Variants in KAZN observed in about 807,000 individuals in gnomAD.
KAZN encodes the protein kazrin.
In KAZN, 40 loss-of-function variants were observed where a neutral mutation model predicts 87.4. The observed-to-expected ratio is 0.46, with a 90% CI of 0.36 to 0.60. KAZN has a LOEUF of 0.60. Among genes scored for constraint, KAZN ranks in the 20% least tolerant of loss-of-function variants. The pLI is 0.00. For missense variants in KAZN, 898 were observed against 1,073.9 expected, an observed-to-expected ratio of 0.84 and a Z score of 2.29; for synonymous variants, 466 against 458.3, an observed-to-expected ratio of 1.02 and a Z score of -0.22.
chr1:14,313,565 G>T (rs2100818429), intron 2 of KAZN, among the ~76,000 whole-genome samples: 1 of 152,196 alleles, frequency 6.6e-6, no homozygotes. Flanking sequence ...GTCCTTTGCT[G>T]CCCTAAATTC....
At position 14,141,869 on chromosome 1, in the gene KAZN, G is replaced by A. The variant is rs530663561; in HGVS notation, c.92-38566G>A. ...TTATTACTGCATGTTCCAATGTCTC[G>A]GCCATTACTGAAATTATGGGAAATG... is the stretch of plus-strand genomic sequence containing the variant. On this transcript the variant is annotated intron_variant, in intron 1 of 16. Transcript: ENST00000636203. Among the ~76,000 whole-genome samples the A allele has an allele frequency of 9.6e-4, 146 of 152,178 alleles. 1 individual carries two copies. Among genetic ancestry groups the A allele is most frequent in the African/African-American group, 3.3e-3 (138 of 41,518 alleles).
chr1:14,490,093 A>G (rs1669568177), intron 2 of KAZN, among the ~76,000 whole-genome samples: 1 of 152,186 alleles, frequency 6.6e-6, no homozygotes. Flanking sequence ...AGCATTCAGC[A>G]TCTTTTTGTG....
At chr1:14,980,229 T>C (rs1031429499) in intron 2 of KAZN, among the ~76,000 whole-genome samples, 1 of 152,160 alleles carries the variant, frequency 6.6e-6, no homozygotes, top group Admixed American at 6.5e-5. Context: ...TTACTGTAAA[T>C]ATTTTACTAA....
chr1:14,491,556 T>C (rs775087635), intron 2 of KAZN, among the ~76,000 whole-genome samples: 3 of 152,236 alleles, frequency 2.0e-5, no homozygotes, highest in Non-Finnish European at 4.4e-5. Context: ...CTGATTTTAA[T>C]GAGAATACCT....
chr1:14,951,977 A>G (rs10803327), intron 1 of KAZN, among the ~76,000 whole-genome samples: 2 of 152,002 alleles, frequency 1.3e-5, no homozygotes, highest in South Asian at 4.1e-4. Context: ...CGCAGAGCCC[A>G]GCAGACCTGG....
intron 1 of KAZN, among the ~76,000 whole-genome samples, chr1:13,981,109 ATG>A (rs1553181081): frequency 3.0e-5 from 4 of 135,160 alleles, no homozygotes; most frequent in African/African-American, 1.1e-4. Flanking sequence ...ATATATATAT[ATG>A]TATATATAAA....
chr1:14,519,012 C>T (rs1364599216), intron 2 of KAZN, among the ~76,000 whole-genome samples: 2 of 152,158 alleles, frequency 1.3e-5, no homozygotes, highest in East Asian at 3.9e-4. Flanking sequence ...AGTATTTTGC[C>T]TTCTTTGGGC....
At chr1:14,428,904 G>A (rs1221076956) in intron 2 of KAZN, among the ~76,000 whole-genome samples, 5 of 151,412 alleles carry the variant, frequency 3.3e-5, no homozygotes, top group Admixed American at 1.3e-4. Context: ...AAACCATATC[G>A]TTTATATATA....
intron 1 of KAZN, among the ~76,000 whole-genome samples, chr1:14,895,025 G>C (rs892519644): frequency 4.6e-5 from 7 of 152,262 alleles, no homozygotes; most frequent in African/African-American, 1.7e-4. Flanking sequence ...GATGCAGCCT[G>C]CTCTGCCCAG....
chr1:14,991,418 C>T (rs1469526451), intron 2 of KAZN, among the ~76,000 whole-genome samples: 3 of 152,126 alleles, frequency 2.0e-5, no homozygotes, highest in Admixed American at 2.0e-4. Context: ...TCCTGTCCTC[C>T]AGAGCTACAA....
chr1:13,980,460 A>G (rs1434570371), intron 1 of KAZN, among the ~76,000 whole-genome samples: 1 of 152,210 alleles, frequency 6.6e-6, no homozygotes, highest in Non-Finnish European at 1.5e-5. Flanking sequence ...GAAAATACTA[A>G]CCAACAGAAA....
intron 2 of KAZN, among the ~76,000 whole-genome samples, chr1:14,185,852 C>A (rs1051483849): frequency 6.6e-6 from 1 of 151,928 alleles, no homozygotes; most frequent in Non-Finnish European, 1.5e-5. Context: ...AAAGTTAGAC[C>A]CTCCTGAGAC....
At chr1:13,950,624 C>T (rs528368726) in intron 1 of KAZN, among the ~76,000 whole-genome samples, 12 of 147,096 alleles carry the variant, frequency 8.2e-5, no homozygotes, top group Middle Eastern at 7.1e-3. Flanking sequence ...ACAAAGGCAG[C>T]GTCGGACTGC....
intron 1 of KAZN, among the ~76,000 whole-genome samples, chr1:13,901,623 G>A (rs1330415106): frequency 6.6e-6 from 1 of 152,246 alleles, no homozygotes; most frequent in African/African-American, 2.4e-5. Context: ...TCCTGCCAGT[G>A]GGCCACCAGG....
chr1:14,481,897 C>T (rs778907044), intron 2 of KAZN, among the ~76,000 whole-genome samples: 1 of 152,222 alleles, frequency 6.6e-6, no homozygotes, highest in Admixed American at 6.5e-5. Flanking sequence ...AGTCAGTCAA[C>T]AACCATGCAG....
At chr1:14,943,420 A>AT (rs1661379728) in intron 1 of KAZN, among the ~76,000 whole-genome samples, 1 of 152,132 alleles carries the variant, frequency 6.6e-6, no homozygotes, top group Admixed American at 6.5e-5. Flanking sequence ...CTACCTGAGG[A>AT]TTTACATCAG....
At chr1:14,960,414 C>T (rs559337375) in intron 1 of KAZN, among the ~76,000 whole-genome samples, 8 of 152,304 alleles carry the variant, frequency 5.3e-5, no homozygotes, top group East Asian at 3.9e-4. Flanking sequence ...GCCACCAGAG[C>T]GGACACTCTG....
chr1:14,368,689 T>C (rs1471031816), intron 2 of KAZN, among the ~76,000 whole-genome samples: 1 of 152,206 alleles, frequency 6.6e-6, no homozygotes, highest in African/African-American at 2.4e-5. Context: ...TTGGAGTTCT[T>C]GGCCTGGACT....
chr1:14,505,263 G>C (rs1054096338), intron 2 of KAZN, among the ~76,000 whole-genome samples: 1 of 152,136 alleles, frequency 6.6e-6, no homozygotes. Context: ...CAAATCAACC[G>C]TGGCCAGGAG....
Sources: allele counts gnomAD v4.1 joint callset (sites outside exome capture counted in the v4.1 genomes callset), GRCh38; gene constraint gnomAD v4.1.1; transcripts MANE v1.5; gene names NCBI Gene and HGNC (gene_info 2026-07-23, HGNC 2026-07-21).